Variants in ST3GAL5 observed in about 807,000 individuals in gnomAD.
ST3GAL5 encodes lactosylceramide alpha-2,3-sialyltransferase.
Under a neutral mutation model 46.1 loss-of-function variants are expected in ST3GAL5, and 25 were observed. The ratio of observed to expected loss-of-function variants is 0.54; its 90% CI spans 0.40 to 0.76. The LOEUF is 0.76. ST3GAL5 is among the 30% of genes least tolerant of loss of function. ST3GAL5 has a pLI of 0.00. For missense variants in ST3GAL5, 431 were observed against 521.2 expected (o/e 0.83, Z 1.69); for synonymous variants, 182 against 192.7 (o/e 0.94, Z 0.46).
intron 1 of ST3GAL5, chr2:85,870,316 A>G (rs939406785): frequency 4.4e-6 from 2 of 453,886 alleles, no homozygotes; most frequent in Admixed American, 4.7e-5. Flanking sequence ...ATAAATACGC[A>G]GTTTCTTATG....
intron 1 of ST3GAL5, chr2:85,887,878 A>T (rs1013632374): frequency 2.0e-5 from 3 of 152,264 alleles, no homozygotes; most frequent in Admixed American, 6.5e-5. Flanking sequence ...GGAGCAGGCA[A>T]CCACTGGTGC....
chr2:85,848,707 G>A (rs536146293), intron 3 of ST3GAL5: 28 of 251,620 alleles, frequency 1.1e-4, no homozygotes, highest in Admixed American at 6.0e-4. Context: ...GAGAAAAGGG[G>A]AGTTGTTTAA....
intron 1 of ST3GAL5, 149 bp downstream of exon 1, chr2:85,888,675 G>A (rs1182621641): frequency 7.7e-6 from 4 of 522,230 alleles, no homozygotes; most frequent in Non-Finnish European, 8.1e-6. Flanking sequence ...CCCCAGCCGG[G>A]CTCGCCTGAG....
intron 1 of ST3GAL5, among the ~76,000 whole-genome samples, chr2:85,885,155 T>C (rs1687604957): frequency 6.6e-6 from 1 of 152,216 alleles, no homozygotes. Flanking sequence ...GGATAATTTT[T>C]AGCAGAAATG....
rs1157543347 is a variant in ST3GAL5, at chr2:85,863,464, T to C, written c.104A>G (p.Tyr35Cys). 3 of 1,614,146 alleles carry C rather than the reference T, an allele frequency of 1.9e-6. No individual in the cohort carries two copies. The highest frequency in any genetic ancestry group is 1.6e-4 in the Middle Eastern group (1 of 6,062). The stretch of plus-strand genomic sequence containing the variant: ...CGAGCAATCACTTCTCAGTTTCACA[T>C]AGGTGTACTCACTTGGCATTGCTGT... ...AGRAMPSEYT[Y>C]VKLRSDCSRP... Residue 35 changes from tyrosine to cysteine, a missense_variant, in exon 2 of 7, where the codon TAT becomes TGT. Transcript: ENST00000638572.
intron 6 of ST3GAL5, 92 bp downstream of exon 6, chr2:85,844,304 A>T: frequency 6.4e-7 from 1 of 1,552,114 alleles, no homozygotes; most frequent in Non-Finnish European, 8.9e-7. Flanking sequence ...TCCACTGGAG[A>T]TGCTTCTGGG....
At position 85,848,151 on chromosome 2, in the gene ST3GAL5, AAAC is replaced by A. The variant is rs2103960667; in HGVS notation, c.369_371del (p.Lys123_Phe124delinsAsn). 1.9e-6 allele frequency: 3 copies of A among 1,614,238 alleles called. No homozygotes were observed. Among genetic ancestry groups the A allele is most frequent in the Non-Finnish European group, 8.5e-7 (1 of 1,180,036 alleles). On this transcript the variant is annotated inframe_deletion, in exon 4 of 7. Transcript: ENST00000638572. ...ATAACAGCGCCATTGATGTCTTGGC[AAAC>A]TTGGGACGACATTCCTTCTGCAAGA... is the stretch of plus-strand genomic sequence containing the variant.
In ST3GAL5 at chr2:85,847,855, A is replaced by G; in HGVS notation, c.662+6T>C. 1 of 1,613,682 alleles carries G rather than the reference A, an allele frequency of 6.2e-7. No individual in the cohort carries two copies. The highest frequency in any genetic ancestry group is 1.1e-5 in the South Asian group (1 of 91,040). On this transcript the variant is annotated splice_donor_region_variant and intron_variant, in intron 4 of 6. Coordinates refer to ENST00000638572, the MANE Select transcript of ST3GAL5 (RefSeq NM_003896.4). ...GTAAACAAACAAACAAAAAAAACCAATGTACCTTATCACAACATCGAACTG... is the reference window on the plus strand; with the variant it reads ...GTAAACAAACAAACAAAAAAAACCAGTGTACCTTATCACAACATCGAACTG...
rs1681592516 is a variant in ST3GAL5 at position 85,837,260 on chromosome 2, A to G, written c.*2884T>C. The G allele has an allele frequency of 6.6e-6, 1 of 152,252 alleles. No homozygotes were observed. Among genetic ancestry groups the G allele is most frequent in the Admixed American group, 6.5e-5 (1 of 15,290 alleles). 9.4% of individuals were successfully genotyped at this position (152,252 alleles called of 1,614,324 possible). A position where few individuals can be genotyped will look rare whatever the true frequency, so the allele number is the denominator to read the frequency against. The stretch of plus-strand genomic sequence containing the variant: ...ACACAATGGAATATTATTCTGCCAT[A>G]AAAAGGTTGAAATCATGTTATCTGC... On this transcript the variant is annotated 3_prime_UTR_variant, in exon 7 of 7. Transcript: ENST00000638572.
chr2:85,860,477 C>T (rs570108403), intron 3 of ST3GAL5, among the ~76,000 whole-genome samples: 59 of 152,154 alleles, frequency 3.9e-4, no homozygotes, highest in Non-Finnish European at 7.1e-4. Flanking sequence ...TTTGATATGT[C>T]ACTTGATTTG....
At chr2:85,846,660 T>G in intron 4 of ST3GAL5, 97 bp from the exon 5 acceptor site, 1 of 1,215,516 alleles carries the variant, frequency 8.2e-7, no homozygotes, top group Admixed American at 1.8e-5. Context: ...CCACGTCTTC[T>G]TATGACTAAG....
At chr2:85,852,303 T>G (rs1200911532) in intron 3 of ST3GAL5, among the ~76,000 whole-genome samples, 1 of 152,206 alleles carries the variant, frequency 6.6e-6, no homozygotes, top group Non-Finnish European at 1.5e-5. Context: ...CTTGTGGAAC[T>G]TTCATTTCCC....
At chr2:85,850,487 G>A (rs970561631) in intron 3 of ST3GAL5, 6 of 152,290 alleles carry the variant, frequency 3.9e-5, no homozygotes, top group Non-Finnish European at 8.8e-5. Context: ...CCCGAATGGA[G>A]GGGCTCACCC....
At position 85,843,841 on chromosome 2, in the gene ST3GAL5, C is replaced by A. The variant is rs183666769; in HGVS notation, c.1008+555G>T. Among the ~76,000 whole-genome samples the A allele has an allele frequency of 3.3e-5, 5 of 152,236 alleles. No individual in the cohort carries two copies. The East Asian group carries it at 9.6e-4, about 29-fold the overall frequency. ...TAGGCTGCAAAATAAAAATCGTCCA[C>A]GGAATTTAGAAAATCTTAAAACACA... is the stretch of plus-strand genomic sequence containing the variant. On this transcript the variant is annotated intron_variant, in intron 6 of 6. Transcript: ENST00000638572.
rs1688074283 is a variant in ST3GAL5 at position 85,888,890 on chromosome 2, C to T, written c.16G>A (p.Ala6Thr). 7.3e-7 allele frequency: 1 copy of T among 1,372,908 alleles called. No individual in the cohort carries two copies. The highest frequency in any genetic ancestry group is 9.5e-7 in the Non-Finnish European group (1 of 1,056,058). 85.0% of individuals were successfully genotyped at this position (1,372,908 alleles called of 1,614,324 possible). Reference protein sequence around the residue: MRTKAAGCAERRPLQP... With the variant: MRTKATGCAERRPLQP... ...AGGGGACGCCGCTCCGCGCAGCCCG[C>T]CGCCTTCGTCCGCATACTAATGAGG... The change falls in exon 1 of 7, where the codon GCG (alanine) becomes ACG (threonine). Residue 6 changes from alanine (A) to threonine (T), a missense_variant. By Grantham distance (58) the Ala-to-Thr change is moderately conservative (BLOSUM62 0). Transcript: ENST00000638572.
At chr2:85,875,638 C>G (rs1453254516) in intron 1 of ST3GAL5, 1 of 151,878 alleles carries the variant, frequency 6.6e-6, no homozygotes, top group Non-Finnish European at 1.5e-5. Context: ...AACCAGAAAG[C>G]TGGAATAAGT....
At chr2:85,886,040 C>T (rs149211236) in intron 1 of ST3GAL5, among the ~76,000 whole-genome samples, 22 of 152,274 alleles carry the variant, frequency 1.4e-4, no homozygotes, top group African/African-American at 2.9e-4. Flanking sequence ...GGTATATTCA[C>T]CCAATGGCCC....
At chr2:85,869,147 T>C (rs1196116189) in intron 1 of ST3GAL5, among the ~76,000 whole-genome samples, 1 of 152,204 alleles carries the variant, frequency 6.6e-6, no homozygotes, top group Non-Finnish European at 1.5e-5. Context: ...ACTCCTGGGC[T>C]CAAGCGATAC....
intron 1 of ST3GAL5, chr2:85,866,169 G>A (rs1192625946): frequency 2.0e-5 from 3 of 152,194 alleles, no homozygotes; most frequent in East Asian, 1.9e-4. Flanking sequence ...TATACCTAAT[G>A]TCTTGTTTGC....
Sources: allele counts gnomAD v4.1 joint callset (sites outside exome capture counted in the v4.1 genomes callset), GRCh38; gene constraint gnomAD v4.1.1; transcripts MANE v1.5; gene names NCBI Gene and HGNC (gene_info 2026-07-23, HGNC 2026-07-21).